The following FAM133A variants were observed in gnomAD, a reference collection of about 807,000 sequenced individuals.
FAM133A encodes the protein family with sequence similarity 133 member A, also known as protein FAM133A.
For missense variants in FAM133A, 159 were observed against 164.4 expected (o/e 0.97, Z 0.18); for synonymous variants, 65 against 58.6 (o/e 1.11, Z -0.50).
chrX:93,679,747 C>CT (rs752855592), intron 2 of FAM133A, among the ~76,000 whole-genome samples: 110 of 58,737 alleles, frequency 1.9e-3, no homozygotes, highest in African/African-American at 3.1e-3. Context: ...TGAAATGTGT[C>CT]TTTTTTTTTT....
chrX:93,696,623 T>C (rs1245663325), intron 2 of FAM133A, among the ~76,000 whole-genome samples: 1 of 110,919 alleles, frequency 9.0e-6, no homozygotes, highest in South Asian at 3.8e-4. Flanking sequence ...GGAAATTGCT[T>C]AAGAGTAGTA....
At chrX:93,687,852 C>T (rs1261267527) in intron 2 of FAM133A, among the ~76,000 whole-genome samples, 1 of 111,972 alleles carries the variant, frequency 8.9e-6, no homozygotes, top group Non-Finnish European at 1.9e-5. Flanking sequence ...CTACTTTCTA[C>T]TTCCATAAGA....
At chrX:93,698,515 C>T (rs1348429879) in intron 3 of FAM133A, 30 bp downstream of exon 3, 2 of 111,651 alleles carry the variant, frequency 1.8e-5, no homozygotes, top group East Asian at 5.6e-4. Flanking sequence ...GGGAGTGATC[C>T]ACTCTGTCAA....
intron 2 of FAM133A, among the ~76,000 whole-genome samples, chrX:93,691,272 T>C (rs1260109474): frequency 3.6e-5 from 4 of 111,674 alleles, no homozygotes; most frequent in Non-Finnish European, 7.6e-5. Context: ...TAATTTTAGC[T>C]CTTACCTTTA....
intron 2 of FAM133A, among the ~76,000 whole-genome samples, chrX:93,682,390 G>A (rs761942179): frequency 4.5e-5 from 5 of 111,775 alleles, no homozygotes; most frequent in Non-Finnish European, 7.5e-5. Context: ...ACATTTTTGT[G>A]AGCTTTATGA....
At chrX:93,687,170 G>C (rs1424742354) in intron 2 of FAM133A, among the ~76,000 whole-genome samples, 3 of 112,389 alleles carry the variant, frequency 2.7e-5, no homozygotes, top group Non-Finnish European at 5.6e-5. Context: ...CCATAAAATG[G>C]AATAAAATGG....
intron 2 of FAM133A, among the ~76,000 whole-genome samples, chrX:93,694,540 A>G (rs1399650403): frequency 1.8e-5 from 2 of 111,679 alleles, no homozygotes; most frequent in East Asian, 5.6e-4. Flanking sequence ...TCTGAAGGAG[A>G]CACAAATAGA....
At chrX:93,676,584 ATTACTTTCAG>A (rs904565032) in intron 2 of FAM133A, among the ~76,000 whole-genome samples, 4 of 109,096 alleles carry the variant, frequency 3.7e-5, no homozygotes, top group African/African-American at 6.6e-5. Flanking sequence ...ATGTGACTAA[ATTACTTTCAG>A]TTACTTTCAT....
At chrX:93,687,392 C>G (rs1416776743) in intron 2 of FAM133A, among the ~76,000 whole-genome samples, 2 of 111,376 alleles carry the variant, frequency 1.8e-5, no homozygotes, top group Non-Finnish European at 3.8e-5. Flanking sequence ...ACAGTGTACA[C>G]TGCTCAGGTG....
At chrX:93,679,774 G>T (rs1378926916) in intron 2 of FAM133A, among the ~76,000 whole-genome samples, 1 of 92,930 alleles carries the variant, frequency 1.1e-5, no homozygotes, top group East Asian at 3.3e-4. Context: ...TTTTGAGACG[G>T]AGTCTCGCTT....
At chrX:93,699,384 G>T (rs1926534805) in intron 3 of FAM133A, among the ~76,000 whole-genome samples, 1 of 110,983 alleles carries the variant, frequency 9.0e-6, no homozygotes, top group Non-Finnish European at 1.9e-5. Context: ...AAGTCTATCT[G>T]CAGCTTCATC....
At chrX:93,682,480 A>G (rs1925232811) in intron 2 of FAM133A, among the ~76,000 whole-genome samples, 1 of 112,062 alleles carries the variant, frequency 8.9e-6, no homozygotes, top group African/African-American at 3.2e-5. Context: ...TTTTAAATTT[A>G]CCTAGGAAAA....
intron 3 of FAM133A, among the ~76,000 whole-genome samples, chrX:93,704,177 T>G (rs1926899141): frequency 8.9e-6 from 1 of 112,050 alleles, no homozygotes; most frequent in Non-Finnish European, 1.9e-5. Flanking sequence ...CAAAAAAACC[T>G]CTTTATTTTT....
chrX:93,680,317 ACC>A (rs1925045358), intron 2 of FAM133A, among the ~76,000 whole-genome samples: 2 of 111,339 alleles, frequency 1.8e-5, no homozygotes, highest in African/African-American at 6.5e-5. Context: ...GTGTATACAT[ACC>A]ATATTTTCTT....
At chrX:93,708,347 T>A (rs185768263) in intron 3 of FAM133A, among the ~76,000 whole-genome samples, 1 of 112,124 alleles carries the variant, frequency 8.9e-6, no homozygotes, top group East Asian at 2.8e-4. Flanking sequence ...AGATTGGATT[T>A]GTTTTTCATT....
intron 2 of FAM133A, among the ~76,000 whole-genome samples, chrX:93,678,343 CT>C (rs1462508416): frequency 3.6e-5 from 4 of 111,347 alleles, no homozygotes; most frequent in African/African-American, 1.3e-4. Context: ...TTAAGGGTGC[CT>C]TTTACTGTTT....
At chrX:93,676,462 A>C (rs1019166153) in intron 2 of FAM133A, among the ~76,000 whole-genome samples, 1 of 111,074 alleles carries the variant, frequency 9.0e-6, no homozygotes, top group Non-Finnish European at 1.9e-5. Context: ...TTTTTTTGCC[A>C]CTGAATTAAG....
At chrX:93,679,644 T>C (rs765469428) in intron 2 of FAM133A, among the ~76,000 whole-genome samples, 1 of 111,127 alleles carries the variant, frequency 9.0e-6, no homozygotes, top group Non-Finnish European at 1.9e-5. Context: ...GTTGAATGAC[T>C]AAATCAAGCA....
At chrX:93,678,453 G>A (rs1297552306) in intron 2 of FAM133A, among the ~76,000 whole-genome samples, 1 of 111,338 alleles carries the variant, frequency 9.0e-6, no homozygotes, top group African/African-American at 3.3e-5. Context: ...GTCAAATCAG[G>A]GTAATTGGGA....
Sources: gnomAD v4.1 joint callset for allele counts (sites outside exome capture counted in the v4.1 genomes callset) on GRCh38, gnomAD v4.1.1 for gene constraint, MANE v1.5 for transcripts, NCBI Gene and HGNC (gene_info 2026-07-23, HGNC 2026-07-21) for gene names.